PACSIN2: variants seen among roughly 807,000 people sequenced by gnomAD.
PACSIN2 encodes protein kinase C and casein kinase substrate in neurons protein 2.
PACSIN2 carries 25 observed loss-of-function variants against 63.8 expected under a neutral mutation model. The observed-to-expected ratio is 0.39, with a 90% CI of 0.29 to 0.55. PACSIN2 has a LOEUF of 0.55. Among genes scored for constraint, PACSIN2 ranks in the 20% least tolerant of loss-of-function variants. The probability of loss-of-function intolerance (pLI) is 0.62; values close to 1 mark genes in which losing one functional copy is unlikely to be tolerated. For synonymous variants in PACSIN2, 255 were observed against 256.2 expected (o/e 1.00, Z 0.05); for missense variants, 518 against 646.9 (o/e 0.80, Z 2.16).
chr22:42,964,421 A>AC (rs888968900), intron 1 of PACSIN2, among the ~76,000 whole-genome samples: 2 of 151,372 alleles, frequency 1.3e-5, no homozygotes, highest in Admixed American at 6.6e-5. Context: ...CCGTCTGGAA[A>AC]AAAAAAAAAA....
At chr22:42,960,061 A>G (rs1470281595) in intron 1 of PACSIN2, among the ~76,000 whole-genome samples, 2 of 152,228 alleles carry the variant, frequency 1.3e-5, no homozygotes, top group African/African-American at 4.8e-5. Flanking sequence ...GAGAAATTTC[A>G]GTATTTCCAC....
intron 1 of PACSIN2, among the ~76,000 whole-genome samples, chr22:42,948,206 G>A (rs997513237): frequency 1.2e-4 from 18 of 152,208 alleles, no homozygotes; most frequent in Admixed American, 8.5e-4. Flanking sequence ...AGCTGCTGTG[G>A]CTGTGAAGGA....
At chr22:42,996,117 G>C (rs1185481903) in intron 1 of PACSIN2, among the ~76,000 whole-genome samples, 1 of 152,274 alleles carries the variant, frequency 6.6e-6, no homozygotes, top group Middle Eastern at 3.4e-3. Flanking sequence ...CTACTTGGGA[G>C]GCTGAGGTAG....
At chr22:42,957,430 G>A (rs1933960389) in intron 1 of PACSIN2, among the ~76,000 whole-genome samples, 1 of 152,092 alleles carries the variant, frequency 6.6e-6, no homozygotes, top group South Asian at 2.1e-4. Context: ...GTATTTTAAG[G>A]TGACTTTGGA....
rs539862853 is a variant in PACSIN2 at position 42,870,198 on chromosome 22, G to A, written c.*1159C>T. On this transcript the variant is annotated 3_prime_UTR_variant, in exon 11 of 11. Transcript: ENST00000263246. ...AAATCTGCAACTACTGCAAAGACGC[G>A]GGCACTTTTACAGTGTTCTGCTACG... The A allele has an allele frequency of 6.6e-6, 1 of 152,160 alleles. No homozygotes were observed. The highest frequency in any genetic ancestry group is 2.4e-5 in the African/African-American group (1 of 41,428). 9.4% of individuals were successfully genotyped at this position (152,160 alleles called of 1,614,324 possible).
At chr22:42,908,640 G>A (rs1279569039) in intron 2 of PACSIN2, among the ~76,000 whole-genome samples, 1 of 152,154 alleles carries the variant, frequency 6.6e-6, no homozygotes, top group African/African-American at 2.4e-5. Flanking sequence ...CCCACCTGGG[G>A]AACTGCCTCC....
intron 1 of PACSIN2, among the ~76,000 whole-genome samples, chr22:42,926,223 G>A (rs1172210917): frequency 2.6e-5 from 4 of 152,210 alleles, no homozygotes; most frequent in East Asian, 3.9e-4. Flanking sequence ...ACGGGAAACA[G>A]CTTGCGCATT....
In PACSIN2 at chr22:42,871,169, T is replaced by G; in HGVS notation, c.*188A>C. Reference sequence around the variant, plus strand: ...CTGCGTCTTCCTGCGCTCAGATCCCTCCAGCTGCACTCGGAAAGGTGCCGA... The same window carrying G: ...CTGCGTCTTCCTGCGCTCAGATCCCGCCAGCTGCACTCGGAAAGGTGCCGA... On this transcript the variant is annotated 3_prime_UTR_variant, in exon 11 of 11. Transcript: ENST00000263246. The surrounding 1 kb of genome is among the most constrained non-coding windows in gnomAD (Gnocchi z 5.4). The G allele has an allele frequency of 1.6e-6, 1 of 613,810 alleles. No homozygotes were observed. The highest frequency in any genetic ancestry group is 1.8e-5 in the South Asian group (1 of 54,134). 38.0% of individuals were successfully genotyped at this position (613,810 alleles called of 1,614,324 possible).
At chr22:42,933,347 C>A (rs1038323774) in intron 1 of PACSIN2, among the ~76,000 whole-genome samples, 1 of 152,180 alleles carries the variant, frequency 6.6e-6, no homozygotes, top group Admixed American at 6.5e-5. Flanking sequence ...CGGGCAAAGC[C>A]GACTTCACCA....
At chr22:42,900,161 G>A (rs1249464742) in intron 2 of PACSIN2, among the ~76,000 whole-genome samples, 1 of 152,166 alleles carries the variant, frequency 6.6e-6, no homozygotes, top group Non-Finnish European at 1.5e-5. Context: ...CACAGACAGG[G>A]GAGACTCATC....
intron 1 of PACSIN2, among the ~76,000 whole-genome samples, chr22:42,967,025 C>A (rs1323893899): frequency 6.6e-6 from 1 of 152,148 alleles, no homozygotes; most frequent in African/African-American, 2.4e-5. Flanking sequence ...TTAACTTAAA[C>A]GAACTTGTCC....
At chr22:42,917,643 T>C (rs1212086999) in intron 1 of PACSIN2, among the ~76,000 whole-genome samples, 1 of 151,432 alleles carries the variant, frequency 6.6e-6, no homozygotes, top group Non-Finnish European at 1.5e-5. Context: ...AAAAAAAAAG[T>C]GAACACGCAC....
At chr22:42,899,769 G>A (rs1027906195) in intron 2 of PACSIN2, among the ~76,000 whole-genome samples, 2 of 152,204 alleles carry the variant, frequency 1.3e-5, no homozygotes, top group East Asian at 1.9e-4. Flanking sequence ...AGGTAAGCAC[G>A]GGGCCCAGCA....
intron 1 of PACSIN2, among the ~76,000 whole-genome samples, chr22:43,010,399 T>TATATATATA (rs1388431678): frequency 3.1e-5 from 1 of 32,496 alleles, no homozygotes; most frequent in Non-Finnish European, 5.7e-5. Flanking sequence ...TATATATATA[T>TATATATATA]TTTTTTTTAA....
At chr22:42,883,154 G>A (rs1602177853) in intron 6 of PACSIN2, among the ~76,000 whole-genome samples, 1 of 152,166 alleles carries the variant, frequency 6.6e-6, no homozygotes, top group South Asian at 2.1e-4. Flanking sequence ...GCATCCACAC[G>A]ATGGGAGTCA....
At position 43,008,454 on chromosome 22, in the gene PACSIN2, T is replaced by C. The variant is rs186446219; in HGVS notation, c.-78+6567A>G. Reference sequence around the variant, plus strand: ...TTAGTAGAGATGGGGTTTCACCATATTGGCCAGGCTGGTCTCAAACTCCTG... The same window carrying C: ...TTAGTAGAGATGGGGTTTCACCATACTGGCCAGGCTGGTCTCAAACTCCTG... On this transcript the variant is annotated intron_variant, in intron 1 of 10. Coordinates refer to ENST00000263246, the MANE Select transcript of PACSIN2 (RefSeq NM_001184970.3). 2.5e-3 allele frequency among the ~76,000 whole-genome samples: 384 copies of C among 152,336 alleles called. 3 individuals carry two copies. Among genetic ancestry groups the C allele is most frequent in the African/African-American group, 8.8e-3 (364 of 41,578 alleles).
chr22:42,949,704 ACTCT>A (rs547280326), intron 1 of PACSIN2, among the ~76,000 whole-genome samples: 1 of 148,432 alleles, frequency 6.7e-6, no homozygotes, highest in Non-Finnish European at 1.5e-5. Flanking sequence ...ACTCACACAC[ACTCT>A]CTCACACACA....
chr22:43,004,880 C>G (rs1923992526), intron 1 of PACSIN2, among the ~76,000 whole-genome samples: 1 of 152,166 alleles, frequency 6.6e-6, no homozygotes, highest in South Asian at 2.1e-4. Flanking sequence ...AACCACTCAC[C>G]CCTTTAGCTC....
At chr22:42,931,248 G>C (rs1186566695) in intron 1 of PACSIN2, among the ~76,000 whole-genome samples, 1 of 152,246 alleles carries the variant, frequency 6.6e-6, no homozygotes, top group African/African-American at 2.4e-5. Context: ...CAGCCTTGCT[G>C]CAAACCAGCT....
Sources: gnomAD v4.1 joint callset for allele counts (sites outside exome capture counted in the v4.1 genomes callset) on GRCh38, gnomAD v4.1.1 for gene constraint, Gnocchi (gnomAD v3.1) non-coding constraint, MANE v1.5 for transcripts, NCBI Gene and HGNC (gene_info 2026-07-23, HGNC 2026-07-21) for gene names.